IPCEF1: variants seen among roughly 807,000 people sequenced by gnomAD.
The protein encoded by IPCEF1 is interaction protein for cytohesin exchange factors 1.
A neutral mutation model predicts 50.9 loss-of-function variants in IPCEF1; 31 were observed. That is an observed-to-expected ratio of 0.61 (90% CI 0.46 to 0.82). The LOEUF (loss-of-function observed/expected upper bound fraction) is 0.82. Ranked by LOEUF, IPCEF1 falls within the 40% of genes least tolerant of loss-of-function variation. The pLI is 0.00. For synonymous variants in IPCEF1, 181 were observed against 192.0 expected (o/e 0.94, Z 0.47); for missense variants, 458 against 514.0 (o/e 0.89, Z 1.05).
At chr6:154,321,465 A>T (rs1031277741) in intron 1 of IPCEF1, among the ~76,000 whole-genome samples, 1 of 152,016 alleles carries the variant, frequency 6.6e-6, no homozygotes, top group African/African-American at 2.4e-5. Flanking sequence ...CCTTTGAAGA[A>T]GTAAAATATA....
chr6:154,302,702 T>A (rs1452007090), intron 1 of IPCEF1, among the ~76,000 whole-genome samples: 1 of 152,096 alleles, frequency 6.6e-6, no homozygotes, highest in Admixed American at 6.5e-5. Context: ...CTCGAACTCC[T>A]GAGCTTGAGC....
intron 1 of IPCEF1, among the ~76,000 whole-genome samples, chr6:154,331,053 G>T (rs1251647150): frequency 3.3e-5 from 5 of 152,078 alleles, no homozygotes; most frequent in African/African-American, 1.2e-4. Context: ...GATCACTTGA[G>T]ATCAGGAGTT....
intron 1 of IPCEF1, among the ~76,000 whole-genome samples, chr6:154,302,796 G>GA (rs1360563537): frequency 1.3e-5 from 2 of 152,224 alleles, no homozygotes; most frequent in Non-Finnish European, 2.9e-5. Context: ...TTTTTCATCT[G>GA]AAAAGTGACT....
intron 1 of IPCEF1, among the ~76,000 whole-genome samples, chr6:154,313,048 A>C (rs1224033976): frequency 1.8e-5 from 2 of 109,954 alleles, no homozygotes; most frequent in East Asian, 7.0e-4. Flanking sequence ...ACTGCACTGC[A>C]GGCTGTGAGG....
chr6:154,159,599 G>A lies in IPCEF1; in HGVS notation c.*229C>T, dbSNP rs536697381. 9 of 526,444 alleles carry A rather than the reference G, an allele frequency of 1.7e-5. No homozygotes were observed. The highest frequency in any genetic ancestry group is 6.9e-5 in the East Asian group (2 of 28,836). 32.6% of individuals were successfully genotyped at this position (526,444 alleles called of 1,614,324 possible). A position where few individuals can be genotyped will look rare whatever the true frequency, so the allele number is the denominator to read the frequency against. On this transcript the variant is annotated 3_prime_UTR_variant, in exon 12 of 12. Transcript: ENST00000367220. ...AGCTCCCAGTAGGAACACAAAAAAC[G>A]CCTTTCAACTGAACTCAATCATTCC...
intron 1 of IPCEF1, among the ~76,000 whole-genome samples, chr6:154,344,245 T>A (rs1783981085): frequency 6.6e-6 from 1 of 152,214 alleles, no homozygotes; most frequent in African/African-American, 2.4e-5. Context: ...CCACTCCACG[T>A]GTGTCCGTGT....
At chr6:154,273,738 T>G (rs1207842844) in intron 2 of IPCEF1, among the ~76,000 whole-genome samples, 1 of 49,594 alleles carries the variant, frequency 2.0e-5, no homozygotes. Context: ...TTTTTTTTTT[T>G]TTTTTTTTTT....
intron 9 of IPCEF1, among the ~76,000 whole-genome samples, chr6:154,200,510 C>T (rs1295374488): frequency 6.6e-6 from 1 of 152,088 alleles, no homozygotes; most frequent in Non-Finnish European, 1.5e-5. Context: ...CACCTGAGGC[C>T]GGGAGTTTGA....
chr6:154,178,171 G>A (rs534816921), intron 10 of IPCEF1, among the ~76,000 whole-genome samples: 69 of 152,198 alleles, frequency 4.5e-4, no homozygotes, highest in Non-Finnish European at 8.4e-4. Flanking sequence ...GATAGCGTTA[G>A]GAGAAATACC....
chr6:154,313,305 G>A (rs1283800041), intron 1 of IPCEF1, among the ~76,000 whole-genome samples: 1 of 151,674 alleles, frequency 6.6e-6, no homozygotes, highest in East Asian at 1.9e-4. Flanking sequence ...AACCTAGGAG[G>A]TGGAGGTTGC....
At chr6:154,201,614 G>T (rs1315340598) in intron 9 of IPCEF1, among the ~76,000 whole-genome samples, 2 of 152,176 alleles carry the variant, frequency 1.3e-5, no homozygotes, top group Admixed American at 6.5e-5. Flanking sequence ...TCTAAGGAAG[G>T]CCAGGCGCGG....
At chr6:154,314,884 C>CTTT (rs11367569) in intron 1 of IPCEF1, among the ~76,000 whole-genome samples, 1 of 138,058 alleles carries the variant, frequency 7.2e-6, no homozygotes, top group Non-Finnish European at 1.6e-5. Context: ...AGTGTGATTA[C>CTTT]TTTTTTTTTT....
chr6:154,171,646 T>C (rs529703475), intron 10 of IPCEF1, among the ~76,000 whole-genome samples: 1 of 152,300 alleles, frequency 6.6e-6, no homozygotes, highest in African/African-American at 2.4e-5. Flanking sequence ...AATAAAACTA[T>C]AAAAAGTAGT....
At chr6:154,238,307 G>A (rs1486109019) in intron 5 of IPCEF1, among the ~76,000 whole-genome samples, 3 of 152,104 alleles carry the variant, frequency 2.0e-5, no homozygotes, top group African/African-American at 4.8e-5. Context: ...CCAGGCTAGA[G>A]TGCAATGGCG....
intron 3 of IPCEF1, among the ~76,000 whole-genome samples, chr6:154,256,581 G>A (rs1781467942): frequency 1.3e-5 from 2 of 151,166 alleles, no homozygotes; most frequent in Non-Finnish European, 3.0e-5. Context: ...GTGTGTGTGT[G>A]TGTGTCTCTC....
intron 11 of IPCEF1, among the ~76,000 whole-genome samples, chr6:154,166,299 TG>T (rs1367451058): frequency 6.6e-6 from 1 of 152,204 alleles, no homozygotes; most frequent in Admixed American, 6.5e-5. Flanking sequence ...AGTGGCCAGG[TG>T]AGGGCATGGT....
chr6:154,173,493 G>A (rs1800046283), intron 10 of IPCEF1, among the ~76,000 whole-genome samples: 1 of 152,070 alleles, frequency 6.6e-6, no homozygotes, highest in African/African-American at 2.4e-5. Context: ...TTTTGGTGCT[G>A]AAAACCACAG....
intron 1 of IPCEF1, among the ~76,000 whole-genome samples, chr6:154,336,096 GAAAAT>G (rs1440720704): frequency 1.3e-5 from 2 of 152,182 alleles, no homozygotes; most frequent in Non-Finnish European, 2.9e-5. Flanking sequence ...AGCCACTGTG[GAAAAT>G]AGTATGAAGA....
chr6:154,305,559 A>T (rs146587603), intron 1 of IPCEF1, among the ~76,000 whole-genome samples: 19 of 152,152 alleles, frequency 1.2e-4, no homozygotes. Flanking sequence ...TTCCTTTTCA[A>T]CCACTGAAAC....
Sources: gnomAD v4.1 joint callset for allele counts (sites outside exome capture counted in the v4.1 genomes callset) on GRCh38, gnomAD v4.1.1 for gene constraint, MANE v1.5 for transcripts, NCBI Gene and HGNC (gene_info 2026-07-23, HGNC 2026-07-21) for gene names.